SNX27: variants seen among roughly 807,000 people sequenced by gnomAD.
SNX27 encodes sorting nexin 27.
SNX27 carries 22 observed loss-of-function variants against 71.6 expected under a neutral mutation model. The ratio of observed to expected loss-of-function variants is 0.31; its 90% CI spans 0.22 to 0.44. The LOEUF (loss-of-function observed/expected upper bound fraction) is 0.44, where lower values mean the gene tolerates loss of function less well. Ranked by LOEUF, SNX27 falls within the 20% of genes least tolerant of loss-of-function variation. The pLI is 1.00. For synonymous variants in SNX27, 269 were observed against 277.2 expected (o/e 0.97, Z 0.29); for missense variants, 531 against 698.6 (o/e 0.76, Z 2.70).
intron 8 of SNX27, among the ~76,000 whole-genome samples, chr1:151,685,098 C>T (rs952257942): frequency 1.3e-5 from 2 of 151,978 alleles, no homozygotes; most frequent in African/African-American, 4.8e-5. Context: ...CGTAAGCTAC[C>T]GTGCCAGGCC....
At chr1:151,693,878 A>G (rs1242289919) in intron 11 of SNX27, 2 of 1,402,178 alleles carry the variant, frequency 1.4e-6, no homozygotes, top group African/African-American at 2.9e-5. Flanking sequence ...AGGCGAACCA[A>G]GAATGTTTGT....
At position 151,683,343 on chromosome 1, in the gene SNX27, G is replaced by A. The variant is rs775294621; in HGVS notation, c.1150-13G>A. Reference sequence around the variant, plus strand: ...TTACACTCCTTTCTGCTCTACTTCTGTTTTGGTGATAGGCAGTCGATGATG... The same window carrying A: ...TTACACTCCTTTCTGCTCTACTTCTATTTTGGTGATAGGCAGTCGATGATG... On this transcript the variant is annotated splice_polypyrimidine_tract_variant and intron_variant, in intron 7 of 11. Transcript: ENST00000458013. 1 of 1,602,892 alleles carries A rather than the reference G, an allele frequency of 6.2e-7. No individual in the cohort carries two copies. The highest frequency in any genetic ancestry group is 8.5e-7 in the Non-Finnish European group (1 of 1,175,216).
intron 8 of SNX27, among the ~76,000 whole-genome samples, chr1:151,689,124 G>A (rs11800609): frequency 0.015 from 2,298 of 152,238 alleles, 67 homozygotes; most frequent in African/African-American, 0.052. Context: ...GACGGACAGG[G>A]CATGTATTAT....
chr1:151,660,926 A>G, intron 4 of SNX27, 64 bp downstream of exon 4: 1 of 1,250,950 alleles, frequency 8.0e-7, no homozygotes, highest in Non-Finnish European at 1.2e-6. Flanking sequence ...AAATAAGTTA[A>G]AGGTATTGAT....
In SNX27 at chr1:151,694,848, T is replaced by G. The variant is rs1387663404; in HGVS notation, c.*431T>G. On this transcript the variant is annotated 3_prime_UTR_variant, in exon 12 of 12. Transcript: ENST00000458013. ...GCTGCACGTATATACATATATATATTTCTTTTTAAATTTCATATTGATGGC... is the reference window on the plus strand; with the variant it reads ...GCTGCACGTATATACATATATATATGTCTTTTTAAATTTCATATTGATGGC... The G allele has an allele frequency of 6.5e-6, 1 of 153,586 alleles. No individual in the cohort carries two copies. The highest frequency in any genetic ancestry group is 2.4e-5 in the African/African-American group (1 of 41,486). 9.5% of individuals were successfully genotyped at this position (153,586 alleles called of 1,614,324 possible).
rs574875506 is a variant in SNX27, at chr1:151,638,894, C to T, written c.318C>T (p.His106=). ...RKGDRILEVN[H]VNVEGATHKQ... ...TTTCCCTTTTTCCCCTTAGGAACCA[C>T]GTGAATGTTGAGGGGGCGACACACA... Residue 106 remains histidine (H), a synonymous_variant, in exon 2 of 12, where the codon CAC becomes CAT. Transcript: ENST00000458013. 1.4e-5 allele frequency: 22 copies of T among 1,614,060 alleles called. No individual in the cohort carries two copies. The highest frequency in any genetic ancestry group is 4.4e-5 in the South Asian group (4 of 91,086).
intron 5 of SNX27, among the ~76,000 whole-genome samples, chr1:151,665,421 CA>C (rs1255910694): frequency 3.1e-4 from 47 of 152,114 alleles, no homozygotes; most frequent in Admixed American, 2.5e-3. Flanking sequence ...AAAAAGTAAA[CA>C]AAAAAATTTT....
intron 7 of SNX27, chr1:151,679,632 A>T (rs149581695): frequency 2.6e-5 from 4 of 152,384 alleles, no homozygotes; most frequent in East Asian, 3.9e-4. Flanking sequence ...TGATAGGTAC[A>T]TGGGAAGTTA....
chr1:151,675,461 T>TTC (rs1670641557), intron 7 of SNX27, among the ~76,000 whole-genome samples: 1 of 152,138 alleles, frequency 6.6e-6, no homozygotes, highest in African/African-American at 2.4e-5. Flanking sequence ...TTTTTCCTTT[T>TTC]TCATACAGTT....
chr1:151,640,641 C>G, intron 2 of SNX27, among the ~76,000 whole-genome samples: 1 of 152,186 alleles, frequency 6.6e-6, no homozygotes, highest in African/African-American at 2.4e-5. Flanking sequence ...TCCCAAAGTG[C>G]TGGGATTACA....
intron 1 of SNX27, among the ~76,000 whole-genome samples, chr1:151,619,475 A>AT (rs1298084022): frequency 1.3e-5 from 2 of 151,872 alleles, no homozygotes; most frequent in South Asian, 4.2e-4. Context: ...AATTTTTTGT[A>AT]TTTTTTGTAG....
chr1:151,652,990 C>T (rs976017748), intron 2 of SNX27, among the ~76,000 whole-genome samples: 18 of 146,356 alleles, frequency 1.2e-4, no homozygotes, highest in African/African-American at 3.0e-4. Flanking sequence ...TACAATGGCT[C>T]GATCTTGGCC....
rs1049470018 is a variant in SNX27, at chr1:151,636,605, C to G, written c.312-2283C>G. 2.0e-5 allele frequency among the ~76,000 whole-genome samples: 3 copies of G among 147,658 alleles called. No homozygotes were observed. In the Admixed American group the frequency reaches 2.1e-4, roughly 10 times the overall value. ...CAGGTGTGAGCCACACTGTGCCTAG[C>G]CTGTATCCAAGATATTAGTATTTTG... is the stretch of plus-strand genomic sequence containing the variant. On this transcript the variant is annotated intron_variant, in intron 1 of 11. Coordinates refer to ENST00000458013, the MANE Select transcript of SNX27 (RefSeq NM_001330723.2).
intron 8 of SNX27, among the ~76,000 whole-genome samples, chr1:151,688,498 G>T (rs986819460): frequency 2.6e-5 from 4 of 151,916 alleles, no homozygotes; most frequent in African/African-American, 7.3e-5. Flanking sequence ...TGGGTGTGGG[G>T]GTGCACGCCT....
In SNX27 at chr1:151,668,501, C is replaced by CT. The variant is rs766606915; in HGVS notation, c.1015_1016insT (p.His339LeufsTer34). On this transcript the variant is annotated frameshift_variant, in exon 7 of 12. Transcript: ENST00000458013. LOFTEE classifies it high-confidence loss of function. ...TAAATTGGCACCTAATGAGTTTCCT[C>CT]ACAAACTCTACATTCAGAATTATAC... is the stretch of plus-strand genomic sequence containing the variant. The CT allele has an allele frequency of 1.2e-6, 2 of 1,613,064 alleles. No homozygotes were observed. The highest frequency in any genetic ancestry group is 1.7e-6 in the Non-Finnish European group (2 of 1,179,652).
chr1:151,630,670 C>T (rs747964647), intron 1 of SNX27, among the ~76,000 whole-genome samples: 5 of 152,192 alleles, frequency 3.3e-5, no homozygotes, highest in Non-Finnish European at 5.9e-5. Context: ...ATTGCTTACA[C>T]ATGTCTAATC....
At chr1:151,628,006 G>GTTTT (rs34932455) in intron 1 of SNX27, among the ~76,000 whole-genome samples, 2 of 122,810 alleles carry the variant, frequency 1.6e-5, no homozygotes, top group African/African-American at 3.0e-5. Context: ...TTTCATGACT[G>GTTTT]TTTTTTTTTT....
At position 151,696,703 on chromosome 1, in the gene SNX27, G is replaced by T. The variant is rs1671762047; in HGVS notation, c.*2286G>T. The T allele has an allele frequency of 7.0e-6, 1 of 142,284 alleles. No homozygotes were observed. The highest frequency in any genetic ancestry group is 7.2e-5 in the Admixed American group (1 of 13,870). The allele number at this position is 142,284 out of a possible 1,614,324, so 8.8% of individuals were successfully genotyped here. A position where few individuals can be genotyped will look rare whatever the true frequency, so the allele number is the denominator to read the frequency against. On this transcript the variant is annotated 3_prime_UTR_variant, in exon 12 of 12. Transcript: ENST00000458013. Reference sequence around the variant, plus strand: ...CTTGCTCTGTCGCCCAGGTTGGAGTGCAGTGGCACGATCTCGGCTCACTGC... The same window carrying T: ...CTTGCTCTGTCGCCCAGGTTGGAGTTCAGTGGCACGATCTCGGCTCACTGC...
chr1:151,627,625 G>A (rs184240955), intron 1 of SNX27, among the ~76,000 whole-genome samples: 10 of 152,048 alleles, frequency 6.6e-5, no homozygotes, highest in Admixed American at 4.6e-4. Flanking sequence ...ATGGGGTTTC[G>A]CCATGATGCC....
Sources: allele counts gnomAD v4.1 joint callset (sites outside exome capture counted in the v4.1 genomes callset), GRCh38; gene constraint gnomAD v4.1.1; transcripts MANE v1.5; gene names NCBI Gene and HGNC (gene_info 2026-07-23, HGNC 2026-07-21).